ATP8B4: variants seen among roughly 807,000 people sequenced by gnomAD.
The protein encoded by ATP8B4 is ATPase phospholipid transporting 8B4 (putative), also known as probable phospholipid-transporting ATPase IM.
Under a neutral mutation model 145.6 loss-of-function variants are expected in ATP8B4, and 133 were observed. The ratio of observed to expected loss-of-function variants is 0.91; its 90% CI spans 0.79 to 1.05. The LOEUF (loss-of-function observed/expected upper bound fraction) is 1.05. Among genes scored for constraint, ATP8B4 ranks in the 50% least tolerant of loss-of-function variants. The pLI is 0.00. For missense variants in ATP8B4, 1,458 were observed against 1,425.2 expected, an observed-to-expected ratio of 1.02 and a Z score of -0.37; for synonymous variants, 507 against 492.9, an observed-to-expected ratio of 1.03 and a Z score of -0.38.
chr15:50,143,988 A>T (rs1352776752), intron 1 of ATP8B4, among the ~76,000 whole-genome samples: 1 of 152,212 alleles, frequency 6.6e-6, no homozygotes, highest in Admixed American at 6.5e-5. Flanking sequence ...ATCATAAAAC[A>T]TTAGAATGGA....
At chr15:49,912,360 A>G (rs1275392253) in intron 20 of ATP8B4, among the ~76,000 whole-genome samples, 1 of 152,198 alleles carries the variant, frequency 6.6e-6, no homozygotes, top group Non-Finnish European at 1.5e-5. Flanking sequence ...CTTACGCCAC[A>G]GAAATATACA....
Position 50,002,221 on chromosome 15 carries a change from A to G in ATP8B4, c.438T>C (p.Ala146=). 3 of 1,608,274 alleles carry G rather than the reference A, an allele frequency of 1.9e-6. No homozygotes were observed. Among genetic ancestry groups the G allele is most frequent in the South Asian group, 1.1e-5 (1 of 90,682 alleles). ...IKLENNQFVA[A]DLLLLSSSEP... ...CACTACTTGATAGGAGAAGTAAATC[A>G]GCCTATTTTCAAAAATCATAACAAA... Residue 146 remains alanine, a splice_region_variant and synonymous_variant, in exon 8 of 28, where the codon GCT becomes GCC. Coordinates refer to ENST00000284509, the MANE Select transcript of ATP8B4 (RefSeq NM_024837.4).
intron 6 of ATP8B4, among the ~76,000 whole-genome samples, chr15:50,036,725 G>T (rs1279427209): frequency 6.6e-6 from 1 of 152,040 alleles, no homozygotes; most frequent in East Asian, 1.9e-4. Context: ...TAGGCTCAAG[G>T]GACACAAACA....
intron 3 of ATP8B4, among the ~76,000 whole-genome samples, chr15:50,049,721 T>G (rs1246656888): frequency 6.6e-6 from 1 of 152,224 alleles, no homozygotes; most frequent in Non-Finnish European, 1.5e-5. Context: ...TTTGAGGAAT[T>G]GCCACACTGT....
chr15:50,144,835 C>G (rs930861007), intron 1 of ATP8B4, among the ~76,000 whole-genome samples: 1 of 151,934 alleles, frequency 6.6e-6, no homozygotes, highest in African/African-American at 2.4e-5. Flanking sequence ...CCTTCAGCAC[C>G]TTTTTCAAAG....
At chr15:49,926,164 A>G (rs537212060) in intron 16 of ATP8B4, among the ~76,000 whole-genome samples, 1 of 152,170 alleles carries the variant, frequency 6.6e-6, no homozygotes, top group East Asian at 1.9e-4. Context: ...CTAGCACTCC[A>G]TTCTGACCTG....
intron 5 of ATP8B4, among the ~76,000 whole-genome samples, chr15:50,041,135 G>A (rs1356365835): frequency 6.6e-6 from 1 of 152,138 alleles, no homozygotes; most frequent in Non-Finnish European, 1.5e-5. Context: ...TGACTATAAT[G>A]AAGACCTTTA....
chr15:50,034,277 C>CTGGAGTG lies in ATP8B4; in HGVS notation c.362+4484_362+4490dup, dbSNP rs552862770. 2.1e-3 allele frequency among the ~76,000 whole-genome samples: 307 copies of CTGGAGTG among 145,002 alleles called. 2 individuals carry two copies. Among genetic ancestry groups the CTGGAGTG allele is most frequent in the African/African-American group, 7.8e-3 (302 of 38,820 alleles). Reference sequence around the variant, plus strand: ...AAGAGTTTCACTCTTGTCACCCAGGCTGGAGTGCAATGGCATGATCTCGGC... The same window carrying CTGGAGTG: ...AAGAGTTTCACTCTTGTCACCCAGGCTGGAGTGTGGAGTGCAATGGCATGATCTCGGC... On this transcript the variant is annotated intron_variant, in intron 6 of 27. Transcript: ENST00000284509.
chr15:49,902,522 G>A (rs556178722), intron 20 of ATP8B4, among the ~76,000 whole-genome samples: 1 of 152,242 alleles, frequency 6.6e-6, no homozygotes, highest in African/African-American at 2.4e-5. Flanking sequence ...TCTGCATTTA[G>A]GAACCCAGAG....
intron 6 of ATP8B4, among the ~76,000 whole-genome samples, chr15:50,015,022 T>C (rs927206030): frequency 5.9e-5 from 9 of 152,208 alleles, no homozygotes; most frequent in African/African-American, 2.2e-4. Flanking sequence ...AGATGTACAA[T>C]GAAACACTTA....
At chr15:50,114,103 CTTTTTTTTTTTTTTTTTT>C (rs755159123) in intron 1 of ATP8B4, among the ~76,000 whole-genome samples, 1 of 55,644 alleles carries the variant, frequency 1.8e-5, no homozygotes, top group Non-Finnish European at 3.1e-5. Context: ...CTCCTAGTTT[CTTTTTTTTTTTTTTTTTT>C]TTTTTTTAAT....
chr15:49,918,445 C>T (rs1174671740), intron 19 of ATP8B4, among the ~76,000 whole-genome samples: 1 of 152,198 alleles, frequency 6.6e-6, no homozygotes, highest in African/African-American at 2.4e-5. Flanking sequence ...AAATTCCCCA[C>T]CATCAAGAAA....
chr15:50,177,651 C>T (rs1255610687), intron 1 of ATP8B4, among the ~76,000 whole-genome samples: 1 of 152,184 alleles, frequency 6.6e-6, no homozygotes, highest in African/African-American at 2.4e-5. Flanking sequence ...AACTTCTCAG[C>T]CACTAGGGCT....
At chr15:49,928,639 T>C (rs916445326) in intron 16 of ATP8B4, among the ~76,000 whole-genome samples, 12 of 151,938 alleles carry the variant, frequency 7.9e-5, no homozygotes, top group African/African-American at 2.4e-4. Flanking sequence ...CGAATAATTT[T>C]GAAGATATTA....
intron 13 of ATP8B4, among the ~76,000 whole-genome samples, chr15:49,967,077 T>A (rs1036854653): frequency 8.6e-5 from 13 of 151,824 alleles, no homozygotes; most frequent in African/African-American, 2.9e-4. Flanking sequence ...AGCATCAACA[T>A]CAACAAAAAG....
chr15:50,116,914 T>C (rs879581945), intron 1 of ATP8B4, among the ~76,000 whole-genome samples: 2 of 152,140 alleles, frequency 1.3e-5, no homozygotes, highest in East Asian at 3.8e-4. Flanking sequence ...ATTTGAAATA[T>C]ATAATGTTGC....
intron 14 of ATP8B4, among the ~76,000 whole-genome samples, chr15:49,950,599 AAAAC>A (rs1213895287): frequency 3.8e-4 from 33 of 87,818 alleles, no homozygotes; most frequent in African/African-American, 1.2e-3. Context: ...CTAAAAAAAA[AAAAC>A]AAACAAACAA....
intron 6 of ATP8B4, among the ~76,000 whole-genome samples, chr15:50,024,934 T>C (rs2049890420): frequency 6.6e-6 from 1 of 152,178 alleles, no homozygotes; most frequent in Non-Finnish European, 1.5e-5. Context: ...CACTCTCAAG[T>C]GCAATGATAG....
intron 26 of ATP8B4, among the ~76,000 whole-genome samples, chr15:49,865,601 G>A (rs1348236757): frequency 1.3e-5 from 2 of 152,218 alleles, no homozygotes; most frequent in Non-Finnish European, 2.9e-5. Flanking sequence ...TGCCGGAATT[G>A]AATTGGAGAA....
Sources: gnomAD v4.1 joint callset for allele counts (sites outside exome capture counted in the v4.1 genomes callset) on GRCh38, gnomAD v4.1.1 for gene constraint, MANE v1.5 for transcripts, NCBI Gene and HGNC (gene_info 2026-07-23, HGNC 2026-07-21) for gene names.